Variants in FUCA1 observed in about 807,000 individuals in gnomAD.
FUCA1 encodes the protein alpha-L-fucosidase 1.
In FUCA1, 52 loss-of-function variants were observed where a neutral mutation model predicts 56.8. The ratio of observed to expected loss-of-function variants is 0.92; its 90% CI spans 0.73 to 1.15. FUCA1 has a LOEUF of 1.15. FUCA1 is among the 50% of genes most tolerant of loss of function. The pLI is 0.00. For synonymous variants in FUCA1, 230 were observed against 226.6 expected, an observed-to-expected ratio of 1.02 and a Z score of -0.14; for missense variants, 568 against 592.6, an observed-to-expected ratio of 0.96 and a Z score of 0.43.
intron 4 of FUCA1, among the ~76,000 whole-genome samples, chr1:23,855,675 T>C (rs773463957): frequency 6.6e-6 from 1 of 152,250 alleles, no homozygotes; most frequent in Non-Finnish European, 1.5e-5. Flanking sequence ...ATAGTCATTA[T>C]TTGTAACTAG....
intron 5 of FUCA1, among the ~76,000 whole-genome samples, chr1:23,852,994 C>A (rs1436135360): frequency 6.7e-6 from 1 of 149,330 alleles, no homozygotes; most frequent in Admixed American, 6.7e-5. Context: ...AAATGAGGAG[C>A]GTCTCTGCCC....
chr1:23,846,142 T>C lies in FUCA1; in HGVS notation c.1192A>G (p.Ile398Val), dbSNP rs548070711. Residue 398 changes from isoleucine to valine, a missense_variant, in exon 7 of 8, where the codon ATT becomes GTT. By Grantham distance (29) the Ile-to-Val change is conservative (BLOSUM62 3). Coordinates refer to ENST00000374479, the MANE Select transcript of FUCA1 (RefSeq NM_000147.5). Reference sequence around the variant, plus strand: ...CCATTTTCTGGCCAGTGCAGAAAAATGGCATAAACAGCCGATCCCTTTGAG... The same window carrying C: ...CCATTTTCTGGCCAGTGCAGAAAAACGGCATAAACAGCCGATCCCTTTGAG... ...YTSKGSAVYA[I>V]FLHWPENGVL... is the part of the protein sequence containing the mutation. 15 of 1,614,066 alleles carry C rather than the reference T, an allele frequency of 9.3e-6. No homozygotes were observed. In the Admixed American group the frequency reaches 1.5e-4, roughly 16 times the overall value.
At position 23,868,238 on chromosome 1, in the gene FUCA1, G is replaced by A; in HGVS notation, c.49C>T (p.Leu17=). Residue 17 remains leucine (L), a synonymous_variant, in exon 1 of 8, where the codon CTG becomes TTG. Transcript: ENST00000374479. ...RSRPAGPALL[L]LLLFLGAAES... ...GCCGCTCCGAGGAAGAGCAGCAGCA[G>A]CAACAGCGCGGGACCCGCCGGCCGC... The A allele has an allele frequency of 6.4e-7, 1 of 1,568,572 alleles. No individual in the cohort carries two copies.
intron 3 of FUCA1, 37 bp from the exon 4 acceptor site, chr1:23,859,940 G>A: frequency 2.9e-6 from 4 of 1,375,532 alleles, no homozygotes; most frequent in Non-Finnish European, 4.2e-6. Flanking sequence ...CTTATTATCT[G>A]AACATGTTCA....
At chr1:23,860,571 G>A (rs1343381108) in intron 3 of FUCA1, among the ~76,000 whole-genome samples, 5 of 120,682 alleles carry the variant, frequency 4.1e-5, no homozygotes, top group Admixed American at 9.4e-5. Context: ...GCGACGGAGT[G>A]AAACTCCGTC....
chr1:23,846,117 C>A lies in FUCA1; in HGVS notation c.1217G>T (p.Gly406Val). The A allele has an allele frequency of 6.2e-7, 1 of 1,614,136 alleles. No homozygotes were observed. The highest frequency in any genetic ancestry group is 8.5e-7 in the Non-Finnish European group (1 of 1,180,000). The change falls in exon 7 of 8, where the codon GGA becomes GTA. Residue 406 changes from glycine to valine, a missense_variant. Physicochemically the swap from Gly to Val is moderately radical, Grantham distance 109. Transcript: ENST00000374479. ...TATGGGGGATTCAAGGTTTAAGACT[C>A]CATTTTCTGGCCAGTGCAGAAAAAT... is the stretch of plus-strand genomic sequence containing the variant. ...YAIFLHWPEN[G>V]VLNLESPITT...
intron 4 of FUCA1, among the ~76,000 whole-genome samples, chr1:23,857,754 G>C (rs565267764): frequency 9.0e-4 from 137 of 151,652 alleles, no homozygotes; most frequent in African/African-American, 2.8e-3. Context: ...TGCAAGCTCC[G>C]CCTCCCGGGT....
chr1:23,860,596 A>C (rs534784937), intron 3 of FUCA1, among the ~76,000 whole-genome samples: 35 of 151,054 alleles, frequency 2.3e-4, no homozygotes, highest in Non-Finnish European at 3.3e-4. Flanking sequence ...AAAAAAAAAA[A>C]AAAAACACAC....
intron 5 of FUCA1, among the ~76,000 whole-genome samples, chr1:23,853,828 T>C (rs1455743494): frequency 6.6e-6 from 1 of 151,962 alleles, no homozygotes; most frequent in Admixed American, 6.6e-5. Context: ...TTAAGGGCGG[T>C]GCAAGATGTG....
At position 23,868,227 on chromosome 1, in the gene FUCA1, G is replaced by GAGCAGC; in HGVS notation, c.54_59dup (p.Leu19_Leu20dup). On this transcript the variant is annotated inframe_insertion, in exon 1 of 8. Transcript: ENST00000374479. ...GCACCGACTCGGCCGCTCCGAGGAA[G>GAGCAGC]AGCAGCAGCAGCAACAGCGCGGGAC... The GAGCAGC allele has an allele frequency of 1.3e-6, 2 of 1,582,444 alleles. No homozygotes were observed. Among genetic ancestry groups the GAGCAGC allele is most frequent in the Non-Finnish European group, 1.7e-6 (2 of 1,164,886 alleles).
chr1:23,853,269 T>C (rs1318596238), intron 5 of FUCA1, among the ~76,000 whole-genome samples: 7 of 141,372 alleles, frequency 5.0e-5, no homozygotes, highest in African/African-American at 1.9e-4. Context: ...GTGAGGAGCC[T>C]CTCCGCCCGG....
intron 3 of FUCA1, among the ~76,000 whole-genome samples, chr1:23,860,139 C>T (rs1639477087): frequency 6.6e-6 from 1 of 152,148 alleles, no homozygotes; most frequent in African/African-American, 2.4e-5. Context: ...CTGCATTTGA[C>T]TTGTGGACTG....
chr1:23,857,274 A>G (rs558339210), intron 4 of FUCA1, among the ~76,000 whole-genome samples: 50 of 152,268 alleles, frequency 3.3e-4, no homozygotes, highest in African/African-American at 1.1e-3. Flanking sequence ...TTCAACACCC[A>G]CCTACTTTTC....
chr1:23,866,183 G>T (rs1263469870), intron 1 of FUCA1, among the ~76,000 whole-genome samples: 2 of 152,196 alleles, frequency 1.3e-5, no homozygotes, highest in Non-Finnish European at 1.5e-5. Flanking sequence ...ATGGTGGTGT[G>T]TGCCTGTAGT....
At position 23,867,842 on chromosome 1, in the gene FUCA1, C is replaced by T; in HGVS notation, c.389+56G>A. The T allele has an allele frequency of 6.6e-7, 1 of 1,512,322 alleles. No individual in the cohort carries two copies. Among genetic ancestry groups the T allele is most frequent in the Non-Finnish European group, 8.8e-7 (1 of 1,134,744 alleles). 93.7% of individuals were successfully genotyped at this position (1,512,322 alleles called of 1,614,324 possible). ...CGCCCCAGCTGGCCGCCCAGCCCCA[C>T]CTCCTGTTTGCCGCCCGAGCCGGGA... On this transcript the variant is annotated intron_variant, in intron 1 of 7. Transcript: ENST00000374479. The surrounding 1 kb of genome is among the most constrained non-coding windows in gnomAD (Gnocchi z 4.9).
In FUCA1 at chr1:23,868,071, C is replaced by T. The variant is rs781660340; in HGVS notation, c.216G>A (p.Trp72Ter). 1 of 1,611,676 alleles carries T rather than the reference C, an allele frequency of 6.2e-7. No homozygotes were observed. The highest frequency in any genetic ancestry group is 8.5e-7 in the Non-Finnish European group (1 of 1,179,510). ...AGTGCCACCAGAACCACTCGCTGCC[C>T]CAGGCGGGCACCGAGAACACGCCCC... ...IHWGVFSVPA[W>*]GSEWFWWHWQ... Residue 72 changes from tryptophan to a stop codon, truncating the protein, a stop_gained, in exon 1 of 8, where the codon TGG (tryptophan) becomes TGA (stop). Transcript: ENST00000374479. LOFTEE classifies it high-confidence loss of function.
chr1:23,856,131 AAAAC>A (rs959407579), intron 4 of FUCA1, among the ~76,000 whole-genome samples: 58 of 152,302 alleles, frequency 3.8e-4, no homozygotes, highest in African/African-American at 1.3e-3. Flanking sequence ...CTTATCTATA[AAAAC>A]AAACAAACAA....
In FUCA1 at chr1:23,867,211, A is replaced by T. The variant is rs773470535; in HGVS notation, c.389+687T>A. Among the ~76,000 whole-genome samples, 14 of 152,168 alleles carry T rather than the reference A, an allele frequency of 9.2e-5. No individual in the cohort carries two copies. Among genetic ancestry groups the T allele is most frequent in the Admixed American group, 2.0e-4 (3 of 15,268 alleles). On this transcript the variant is annotated intron_variant, in intron 1 of 7. Coordinates refer to ENST00000374479, the MANE Select transcript of FUCA1 (RefSeq NM_000147.5). This position sits in a 1 kb window ranked among gnomAD's most constrained non-coding sequence, Gnocchi z 4.9. ...TCTCAAGGCTCACTCCTTCAGGACA[A>T]GCCCCTGCCTTGACAACTTCATGGG...
intron 4 of FUCA1, 119 bp downstream of exon 4, chr1:23,859,679 G>T: frequency 1.4e-6 from 1 of 699,676 alleles, no homozygotes; most frequent in Non-Finnish European, 2.6e-6. Flanking sequence ...AGTCCCTACT[G>T]CCCCCATGTT....
Sources: gnomAD v4.1 joint callset for allele counts (sites outside exome capture counted in the v4.1 genomes callset) on GRCh38, gnomAD v4.1.1 for gene constraint, Gnocchi (gnomAD v3.1) non-coding constraint, MANE v1.5 for transcripts, NCBI Gene and HGNC (gene_info 2026-07-23, HGNC 2026-07-21) for gene names.